BIRC2: variants seen among roughly 807,000 people sequenced by gnomAD.
BIRC2 encodes baculoviral IAP repeat-containing protein 2.
In BIRC2, 18 loss-of-function variants were observed where a neutral mutation model predicts 60.9. The ratio of observed to expected loss-of-function variants is 0.30; its 90% CI spans 0.20 to 0.44. The LOEUF (loss-of-function observed/expected upper bound fraction) is 0.44. BIRC2 is among the 20% of genes least tolerant of loss of function. BIRC2 has a pLI of 1.00. For synonymous variants in BIRC2, 282 were observed against 247.7 expected (o/e 1.14, Z -1.30); for missense variants, 701 against 728.5 (o/e 0.96, Z 0.43).
chr11:102,350,549 C>T lies in BIRC2; in HGVS notation c.695C>T (p.Pro232Leu). 1 of 1,614,144 alleles carries T rather than the reference C, an allele frequency of 6.2e-7. No individual in the cohort carries two copies. The highest frequency in any genetic ancestry group is 8.5e-7 in the Non-Finnish European group (1 of 1,180,028). The change falls in exon 2 of 9, where the codon CCA becomes CTA. Residue 232 changes from proline to leucine, a missense_variant. This residue lies in a region of BIRC2 where 375 missense variants were observed against 365.9 expected (regional missense o/e 1.02). Transcript: ENST00000227758. The stretch of plus-strand genomic sequence containing the variant: ...GGTGGGAAGCTCAGTAACTGGGAAC[C>T]AAAGGATGATGCTATGTCAGAACAC... ...ACGGKLSNWE[P>L]KDDAMSEHRR...
In BIRC2 at chr11:102,347,371, A is replaced by G. The variant is rs981229306; in HGVS notation, c.-1263A>G. ...CAGCTTCCGTGTTTGCTGCGCCCGC[A>G]CTGCGGTGAGTGCTGCTCCTTCCGG... On this transcript the variant is annotated 5_prime_UTR_variant, in exon 1 of 9. Coordinates refer to ENST00000227758, the MANE Select transcript of BIRC2 (RefSeq NM_001166.5). 3.3e-5 allele frequency: 5 copies of G among 152,366 alleles called. No individual in the cohort carries two copies. The highest frequency in any genetic ancestry group is 3.9e-4 in the East Asian group (2 of 5,178). 9.4% of individuals were successfully genotyped at this position (152,366 alleles called of 1,614,324 possible).
At chr11:102,373,838 C>G (rs1233019161) in intron 6 of BIRC2, among the ~76,000 whole-genome samples, 1 of 151,382 alleles carries the variant, frequency 6.6e-6, no homozygotes, top group Non-Finnish European at 1.5e-5. Flanking sequence ...TTCACATAAT[C>G]CCATATTTCT....
In BIRC2 at chr11:102,349,242, C is replaced by T. The variant is rs1265941524; in HGVS notation, c.-613C>T. On this transcript the variant is annotated 5_prime_UTR_variant, in exon 2 of 9. Coordinates refer to ENST00000227758, the MANE Select transcript of BIRC2 (RefSeq NM_001166.5). ...AAGTTGTCAGCTGAAGTAATTTAGC[C>T]CACTTAAGTAAATACTATGATGATA... 6.6e-6 allele frequency: 1 copy of T among 152,290 alleles called. No homozygotes were observed. Among genetic ancestry groups the T allele is most frequent in the Non-Finnish European group, 1.5e-5 (1 of 68,146 alleles). The allele number at this position is 152,290 out of a possible 1,614,324, so 9.4% of individuals were successfully genotyped here.
intron 6 of BIRC2, among the ~76,000 whole-genome samples, chr11:102,372,611 TGTG>T (rs1951647591): frequency 1.4e-5 from 2 of 145,294 alleles, no homozygotes; most frequent in Non-Finnish European, 3.0e-5. Flanking sequence ...TTGGAATAGG[TGTG>T]GTGTGGTGCT....
intron 5 of BIRC2, among the ~76,000 whole-genome samples, chr11:102,367,001 TAGA>T (rs1951560231): frequency 6.6e-6 from 1 of 152,222 alleles, no homozygotes. Flanking sequence ...TCTCTTTGCT[TAGA>T]AGACTTCTTT....
intron 5 of BIRC2, among the ~76,000 whole-genome samples, chr11:102,366,667 C>T (rs1031918501): frequency 3.3e-5 from 5 of 152,080 alleles, no homozygotes; most frequent in Admixed American, 3.3e-4. Flanking sequence ...CCATGCCCGG[C>T]CCTCCACCAC....
rs1951320562 is a variant in BIRC2, at chr11:102,348,890, T to G, written c.-965T>G. 5.2e-6 allele frequency: 1 copy of G among 190,634 alleles called. No homozygotes were observed. The highest frequency in any genetic ancestry group is 2.4e-5 in the African/African-American group (1 of 41,860). The allele number at this position is 190,634 out of a possible 1,614,324, so 11.8% of individuals were successfully genotyped here. On this transcript the variant is annotated 5_prime_UTR_variant, in exon 2 of 9. Coordinates refer to ENST00000227758, the MANE Select transcript of BIRC2 (RefSeq NM_001166.5). ...TATCTTGTGATAAATTGATTAATGTTTACAACATGACTGATAATTATAGCT... is the reference window on the plus strand; with the variant it reads ...TATCTTGTGATAAATTGATTAATGTGTACAACATGACTGATAATTATAGCT...
rs372654134 is a variant in BIRC2 at position 102,368,489 on chromosome 11, A to G, written c.1307A>G (p.Asn436Ser). Residue 436 changes from asparagine (N) to serine (S), a missense_variant, in exon 6 of 9, where the codon AAT becomes AGT. By Grantham distance (46) the Asn-to-Ser change is conservative. This residue lies in a region of BIRC2 where 235 missense variants were observed against 208.9 expected (regional missense o/e 1.12). Coordinates refer to ENST00000227758, the MANE Select transcript of BIRC2 (RefSeq NM_001166.5). ...AATGATATTGTGTCAGCACTTCTTA[A>G]TGCTGAAGATGAAAAAAGAGAAGAG... ...TVNDIVSALLNAEDEKREEEK... is the reference protein window; with the variant it reads ...TVNDIVSALLSAEDEKREEEK... 12 of 1,613,790 alleles carry G rather than the reference A, an allele frequency of 7.4e-6. No homozygotes were observed. Among genetic ancestry groups the G allele is most frequent in the African/African-American group, 1.3e-5 (1 of 74,914 alleles).
intron 3 of BIRC2, among the ~76,000 whole-genome samples, chr11:102,352,206 C>T (rs1215717572): frequency 3.3e-5 from 5 of 151,746 alleles, no homozygotes; most frequent in African/African-American, 1.2e-4. Flanking sequence ...CTCCACCTCC[C>T]GGGTTCACGC....
At position 102,377,802 on chromosome 11, in the gene BIRC2, G is replaced by A. The variant is rs3764997; in HGVS notation, c.1621+52G>A. On this transcript the variant is annotated intron_variant, in intron 7 of 8. Transcript: ENST00000227758. The stretch of plus-strand genomic sequence containing the variant: ...GAAATTCTTAGGACTGGCCAGATGC[G>A]GTGGCTCAGTTTTGTATTTAGTAGA... 195 of 1,593,466 alleles carry A rather than the reference G, an allele frequency of 1.2e-4. No homozygotes were observed. In the East Asian group the frequency reaches 4.0e-3, roughly 33 times the overall value.
chr11:102,368,733 C>T (rs190166095), intron 6 of BIRC2, among the ~76,000 whole-genome samples, 185 bp downstream of exon 6: 9 of 152,128 alleles, frequency 5.9e-5, no homozygotes, highest in Admixed American at 2.6e-4. Context: ...CATTGACTGC[C>T]GCTTTTTTCT....
At chr11:102,375,007 G>C (rs1273038587) in intron 6 of BIRC2, among the ~76,000 whole-genome samples, 1 of 152,216 alleles carries the variant, frequency 6.6e-6, no homozygotes, top group African/African-American at 2.4e-5. Flanking sequence ...GTGTGGCAAT[G>C]CCTTGCCCTG....
chr11:102,366,496 A>G (rs1951554425), intron 5 of BIRC2, among the ~76,000 whole-genome samples: 1 of 151,882 alleles, frequency 6.6e-6, no homozygotes, highest in African/African-American at 2.4e-5. Context: ...CCTCCCAGGT[A>G]GCTGGGACTA....
At chr11:102,376,688 A>T (rs1951718403) in intron 6 of BIRC2, among the ~76,000 whole-genome samples, 1 of 152,204 alleles carries the variant, frequency 6.6e-6, no homozygotes, top group South Asian at 2.1e-4. Context: ...AAAAAAGGTC[A>T]GGCTTGATTC....
Position 102,368,686 on chromosome 11 carries a change from CCTT to C in BIRC2, c.1366+139_1366+141del, listed in dbSNP as rs1369695638. On this transcript the variant is annotated intron_variant, in intron 6 of 8. Transcript: ENST00000227758. ...CTCCAGTCATTTCGAAACCATCCCT[CCTT>C]TTCTACCCCTTTCAATTGCTTCTAG... 5 of 1,192,256 alleles carry C rather than the reference CCTT, an allele frequency of 4.2e-6. No homozygotes were observed. In the East Asian group the frequency reaches 1.2e-4, roughly 29 times the overall value. 73.9% of individuals were successfully genotyped at this position (1,192,256 alleles called of 1,614,324 possible). A position where few individuals can be genotyped will look rare whatever the true frequency, so the allele number is the denominator to read the frequency against.
chr11:102,364,196 GA>G (rs1951526321), intron 5 of BIRC2, among the ~76,000 whole-genome samples: 1 of 131,920 alleles, frequency 7.6e-6, no homozygotes, highest in African/African-American at 3.0e-5. Context: ...CAGAGAGAGA[GA>G]GAGAGAGAGA....
Position 102,350,710 on chromosome 11 carries a change from C to G in BIRC2, c.856C>G (p.Gln286Glu), listed in dbSNP as rs752937365. ...GTACTGGCCATCTAGTGTTCCAGTT[C>G]AGCCTGAGCAGCTTGCAAGTGCTGG... Reference protein sequence around the residue: ...FMYWPSSVPVQPEQLASAGFY... With the variant: ...FMYWPSSVPVEPEQLASAGFY... The change falls in exon 2 of 9, where the codon CAG (glutamine) becomes GAG (glutamate). Residue 286 changes from glutamine to glutamate, a missense_variant. By Grantham distance (29) the Gln-to-Glu change is conservative. This residue lies in a region of BIRC2 where 375 missense variants were observed against 365.9 expected (regional missense o/e 1.02). Coordinates refer to ENST00000227758, the MANE Select transcript of BIRC2 (RefSeq NM_001166.5). 1.3e-5 allele frequency: 21 copies of G among 1,609,120 alleles called. No homozygotes were observed. Among genetic ancestry groups the G allele is most frequent in the East Asian group, 2.2e-5 (1 of 44,862 alleles).
intron 7 of BIRC2, 44 bp downstream of exon 7, chr11:102,377,794 C>T: frequency 6.3e-7 from 1 of 1,595,390 alleles, no homozygotes; most frequent in African/African-American, 1.4e-5. Flanking sequence ...TTAGGACTGG[C>T]CAGATGCGGT....
chr11:102,378,266 G>T lies in BIRC2; in HGVS notation c.*83G>T. 9.0e-7 allele frequency: 1 copy of T among 1,116,234 alleles called. No homozygotes were observed. Among genetic ancestry groups the T allele is most frequent in the Admixed American group, 3.4e-5 (1 of 29,400 alleles). 69.1% of individuals were successfully genotyped at this position (1,116,234 alleles called of 1,614,324 possible). A position where few individuals can be genotyped will look rare whatever the true frequency, so the allele number is the denominator to read the frequency against. On this transcript the variant is annotated 3_prime_UTR_variant, in exon 9 of 9. Coordinates refer to ENST00000227758, the MANE Select transcript of BIRC2 (RefSeq NM_001166.5). The stretch of plus-strand genomic sequence containing the variant: ...CTTGAAGCCATCTAAAGTAAAAAGG[G>T]AATTATGAGTTTTTCAATTAGTAAC...
Sources: allele counts gnomAD v4.1 joint callset (sites outside exome capture counted in the v4.1 genomes callset), GRCh38; gene constraint gnomAD v4.1.1; regional missense constraint gnomAD v4.1.1; transcripts MANE v1.5; gene names NCBI Gene and HGNC (gene_info 2026-07-23, HGNC 2026-07-21).